Variants in ARHGEF33 observed in about 807,000 individuals in gnomAD.
ARHGEF33 encodes the protein Rho guanine nucleotide exchange factor 33.
ARHGEF33 carries 72 observed loss-of-function variants against 101.9 expected under a neutral mutation model. The ratio of observed to expected loss-of-function variants is 0.71; its 90% CI spans 0.58 to 0.86. ARHGEF33 has a LOEUF of 0.86. Ranked by LOEUF, ARHGEF33 falls within the 40% of genes least tolerant of loss-of-function variation. ARHGEF33 has a pLI of 0.00. For synonymous variants in ARHGEF33, 499 were observed against 442.5 expected, an observed-to-expected ratio of 1.13 and a Z score of -1.60; for missense variants, 1,169 against 1,111.3, an observed-to-expected ratio of 1.05 and a Z score of -0.74.
intron 17 of ARHGEF33, 135 bp downstream of exon 17, chr2:38,966,280 C>T: frequency 8.4e-7 from 1 of 1,188,044 alleles, no homozygotes. Flanking sequence ...ACCCAGTAGC[C>T]ACAGTTCCGG....
At chr2:38,942,458 C>G (rs1667338179) in intron 9 of ARHGEF33, among the ~76,000 whole-genome samples, 1 of 122,866 alleles carries the variant, frequency 8.1e-6, no homozygotes, top group African/African-American at 3.2e-5. Flanking sequence ...CCACGCCCAG[C>G]CCCTCTTATC....
intron 2 of ARHGEF33, among the ~76,000 whole-genome samples, chr2:38,902,310 T>G (rs1666267215): frequency 6.6e-6 from 1 of 152,184 alleles, no homozygotes. Context: ...GGGCAAGGCA[T>G]CTGACCTGAC....
At chr2:38,963,817 C>G (rs1386701600) in intron 16 of ARHGEF33, among the ~76,000 whole-genome samples, 1 of 152,076 alleles carries the variant, frequency 6.6e-6, no homozygotes, top group Admixed American at 6.6e-5. Flanking sequence ...TGTAGGTGGG[C>G]AGAAGCATGC....
intron 4 of ARHGEF33, among the ~76,000 whole-genome samples, chr2:38,922,617 C>T (rs1666783705): frequency 6.6e-6 from 1 of 152,180 alleles, no homozygotes; most frequent in South Asian, 2.1e-4. Context: ...TGAGCAGTTA[C>T]TATGTGTAAA....
At chr2:38,900,715 C>T (rs766251916) in intron 2 of ARHGEF33, among the ~76,000 whole-genome samples, 15 of 152,016 alleles carry the variant, frequency 9.9e-5, no homozygotes, top group Non-Finnish European at 1.8e-4. Context: ...GCAGAGCCGA[C>T]GAGGTGGAGT....
At position 38,959,893 on chromosome 2, in the gene ARHGEF33, A is replaced by G. The variant is rs1478987521; in HGVS notation, c.1588A>G (p.Ser530Gly). The G allele has an allele frequency of 6.4e-7, 1 of 1,551,806 alleles. No homozygotes were observed. Among genetic ancestry groups the G allele is most frequent in the Admixed American group, 2.0e-5 (1 of 50,992 alleles). The change falls in exon 16 of 18, where the codon AGC (serine) becomes GGC (glycine). Residue 530 changes from serine (S) to glycine (G), a missense_variant. By Grantham distance (56) the Ser-to-Gly change is moderately conservative. Transcript: ENST00000409978. ...CCAACAGCAGCAAAGCCTGATGGAG[A>G]GCATGCAGCCCGGGAAGCCCAGTGA... ...KSQQQQSLME[S>G]MQPGKPSDWE...
chr2:38,971,495 T>C (rs1205943077), intron 17 of ARHGEF33, among the ~76,000 whole-genome samples: 4 of 152,202 alleles, frequency 2.6e-5, no homozygotes, highest in Admixed American at 2.6e-4. Context: ...GCAAATCTGC[T>C]GGCCTTTTCT....
chr2:38,949,733 T>A (rs1667550136), intron 10 of ARHGEF33, among the ~76,000 whole-genome samples: 1 of 152,212 alleles, frequency 6.6e-6, no homozygotes, highest in Non-Finnish European at 1.5e-5. Flanking sequence ...GTAAAGAGGT[T>A]TAATTGGATC....
chr2:38,916,479 G>C (rs1666637044), intron 2 of ARHGEF33, among the ~76,000 whole-genome samples: 1 of 152,140 alleles, frequency 6.6e-6, no homozygotes, highest in African/African-American at 2.4e-5. Context: ...ATTAACAATT[G>C]CTAAGGAGAA....
intron 7 of ARHGEF33, 96 bp downstream of exon 7, chr2:38,931,347 A>G (rs1373685743): frequency 1.8e-6 from 2 of 1,135,284 alleles, no homozygotes; most frequent in Admixed American, 6.3e-5. Context: ...GTTAGAAGAA[A>G]ATGGTGTATT....
At chr2:38,970,373 A>G (rs1668140112) in intron 17 of ARHGEF33, among the ~76,000 whole-genome samples, 1 of 152,232 alleles carries the variant, frequency 6.6e-6, no homozygotes. Flanking sequence ...TGTAATAGAA[A>G]GCAGGGCTGC....
chr2:38,898,200 T>C (rs927453480), intron 2 of ARHGEF33, among the ~76,000 whole-genome samples: 1 of 152,228 alleles, frequency 6.6e-6, no homozygotes, highest in African/African-American at 2.4e-5. Context: ...GACTAAATGA[T>C]ATATTATTTA....
At position 38,951,220 on chromosome 2, in the gene ARHGEF33, C is replaced by T. The variant is rs1667595331; in HGVS notation, c.1053+99C>T. ...GAGAATCTAGAAGCAGTGAATTTCA[C>T]AGCTAGAACCACTGAGATCTAGTCT... On this transcript the variant is annotated intron_variant, in intron 11 of 17. Transcript: ENST00000409978. 2.7e-6 allele frequency: 3 copies of T among 1,115,042 alleles called. No individual in the cohort carries two copies. The Admixed American group carries it at 7.1e-5, about 26-fold the overall frequency. 69.1% of individuals were successfully genotyped at this position (1,115,042 alleles called of 1,614,324 possible).
chr2:38,946,226 GC>G (rs758105056), intron 10 of ARHGEF33, among the ~76,000 whole-genome samples: 8 of 152,128 alleles, frequency 5.3e-5, no homozygotes, highest in Non-Finnish European at 1.0e-4. Context: ...TAAAGAGAAG[GC>G]CCTTATTGAC....
intron 14 of ARHGEF33, chr2:38,957,811 A>T: frequency 1.9e-6 from 1 of 539,604 alleles, no homozygotes; most frequent in Non-Finnish European, 3.3e-6. Context: ...CATACCCCCA[A>T]CCCCTTCCCC....
chr2:38,972,033 G>A (rs1668176141), intron 17 of ARHGEF33: 4 of 693,630 alleles, frequency 5.8e-6, no homozygotes, highest in South Asian at 4.6e-5. Flanking sequence ...GGGGAAATAC[G>A]AGGCAAAGAT....
At chr2:38,957,516 CAAAT>C (rs1178740345) in intron 14 of ARHGEF33, among the ~76,000 whole-genome samples, 4 of 152,026 alleles carry the variant, frequency 2.6e-5, no homozygotes, top group Middle Eastern at 3.4e-3. Flanking sequence ...GGACAGTGAA[CAAAT>C]AAATAAGATG....
At chr2:38,952,251 C>T (rs1667629303) in intron 11 of ARHGEF33, among the ~76,000 whole-genome samples, 1 of 152,202 alleles carries the variant, frequency 6.6e-6, no homozygotes, top group African/African-American at 2.4e-5. Flanking sequence ...AAATTATTTT[C>T]TTCTACAGAC....
At chr2:38,916,003 G>A (rs912544251) in intron 2 of ARHGEF33, among the ~76,000 whole-genome samples, 2 of 152,142 alleles carry the variant, frequency 1.3e-5, no homozygotes, top group Admixed American at 1.3e-4. Flanking sequence ...TCCAGCCTGG[G>A]AAGAGCAAGA....
Sources: allele counts gnomAD v4.1 joint callset (sites outside exome capture counted in the v4.1 genomes callset), GRCh38; gene constraint gnomAD v4.1.1; transcripts MANE v1.5; gene names NCBI Gene and HGNC (gene_info 2026-07-23, HGNC 2026-07-21).